Variants in ZYG11B observed in about 807,000 individuals in gnomAD.
ZYG11B encodes zyg-11 family member B, cell cycle regulator, also known as protein zyg-11 homolog B.
ZYG11B carries 36 observed loss-of-function variants against 82.4 expected under a neutral mutation model. The observed-to-expected ratio is 0.44, with a 90% CI of 0.33 to 0.58. The LOEUF (loss-of-function observed/expected upper bound fraction) is 0.58. Among genes scored for constraint, ZYG11B ranks in the 20% least tolerant of loss-of-function variants. ZYG11B has a pLI of 0.02. For synonymous variants in ZYG11B, 303 were observed against 312.8 expected, an observed-to-expected ratio of 0.97 and a Z score of 0.33; for missense variants, 552 against 895.6, an observed-to-expected ratio of 0.62 and a Z score of 4.90.
At chr1:52,783,842 G>A (rs1460468670) in intron 4 of ZYG11B, among the ~76,000 whole-genome samples, 4 of 144,472 alleles carry the variant, frequency 2.8e-5, no homozygotes, top group Non-Finnish European at 4.5e-5. Flanking sequence ...GTGTGTATAT[G>A]TACATACACG....
At chr1:52,804,198 C>T (rs1645121849) in intron 10 of ZYG11B, among the ~76,000 whole-genome samples, 1 of 152,040 alleles carries the variant, frequency 6.6e-6, no homozygotes, top group South Asian at 2.1e-4. Context: ...GTGAGCTGTG[C>T]TCATCCTACT....
intron 2 of ZYG11B, among the ~76,000 whole-genome samples, chr1:52,767,347 C>T (rs1238429836): frequency 8.3e-6 from 1 of 120,840 alleles, no homozygotes. Context: ...TCTTGTTGCC[C>T]AAGCCGGAGT....
chr1:52,794,747 C>T (rs1291183587), intron 6 of ZYG11B, among the ~76,000 whole-genome samples: 5 of 152,136 alleles, frequency 3.3e-5, no homozygotes, highest in African/African-American at 9.7e-5. Context: ...AGATGTATTC[C>T]TTGACCTCAT....
At chr1:52,735,170 A>G (rs1644369239) in intron 1 of ZYG11B, among the ~76,000 whole-genome samples, 1 of 151,290 alleles carries the variant, frequency 6.6e-6, no homozygotes, top group African/African-American at 2.4e-5. Flanking sequence ...AGCTGGGATT[A>G]CAGGCATGTG....
chr1:52,733,677 A>G (rs1363538190), intron 1 of ZYG11B, among the ~76,000 whole-genome samples: 2 of 152,202 alleles, frequency 1.3e-5, no homozygotes, highest in Admixed American at 6.5e-5. Flanking sequence ...CAATCAATCA[A>G]TCAGAGATAT....
intron 2 of ZYG11B, among the ~76,000 whole-genome samples, chr1:52,758,855 C>G (rs1289556169): frequency 1.3e-5 from 2 of 152,140 alleles, no homozygotes; most frequent in East Asian, 3.8e-4. Flanking sequence ...CCTTACACAG[C>G]TGCACAACGA....
At chr1:52,770,714 C>G (rs1428992418) in intron 2 of ZYG11B, among the ~76,000 whole-genome samples, 1 of 152,200 alleles carries the variant, frequency 6.6e-6, no homozygotes, top group African/African-American at 2.4e-5. Context: ...CTCCAGCTAA[C>G]TCCAGGGATG....
At chr1:52,811,724 A>G (rs1032068419) in intron 10 of ZYG11B, among the ~76,000 whole-genome samples, 2 of 149,164 alleles carry the variant, frequency 1.3e-5, no homozygotes, top group Non-Finnish European at 3.0e-5. Flanking sequence ...TTTTTTTTTT[A>G]ATTTCTATAA....
chr1:52,776,608 G>C (rs1006384951), intron 3 of ZYG11B, among the ~76,000 whole-genome samples: 4 of 151,554 alleles, frequency 2.6e-5, no homozygotes, highest in Non-Finnish European at 5.9e-5. Context: ...TTATATTCAA[G>C]GTAACTTGAG....
chr1:52,785,358 G>T (rs982287294), intron 5 of ZYG11B, among the ~76,000 whole-genome samples: 1 of 152,200 alleles, frequency 6.6e-6, no homozygotes, highest in East Asian at 1.9e-4. Context: ...ACTATCAAAT[G>T]CTGGGATACA....
At chr1:52,800,452 G>C (rs1192334589) in intron 8 of ZYG11B, among the ~76,000 whole-genome samples, 1 of 151,902 alleles carries the variant, frequency 6.6e-6, no homozygotes, top group African/African-American at 2.4e-5. Context: ...CAGTAATTTT[G>C]GTATCTTCAA....
At chr1:52,746,694 T>G (rs1002217363) in intron 1 of ZYG11B, among the ~76,000 whole-genome samples, 1 of 121,310 alleles carries the variant, frequency 8.2e-6, no homozygotes, top group African/African-American at 3.3e-5. Flanking sequence ...ACTGTTTTTT[T>G]TTTTTTTTTT....
intron 10 of ZYG11B, 141 bp downstream of exon 10, chr1:52,802,280 C>T: frequency 3.2e-6 from 2 of 623,536 alleles, no homozygotes; most frequent in Non-Finnish European, 2.7e-6. Context: ...AGAACTATTC[C>T]CAATACCTCA....
chr1:52,745,962 C>CTT (rs71938564), intron 1 of ZYG11B, among the ~76,000 whole-genome samples: 3 of 143,342 alleles, frequency 2.1e-5, no homozygotes, highest in Non-Finnish European at 3.1e-5. Flanking sequence ...GAATATTTAA[C>CTT]TTTTTTTTTT....
In ZYG11B at chr1:52,771,002, C is replaced by G; in HGVS notation, c.197-18C>G. 2.5e-6 allele frequency: 4 copies of G among 1,581,052 alleles called. No homozygotes were observed. Among genetic ancestry groups the G allele is most frequent in the Non-Finnish European group, 3.4e-6 (4 of 1,162,500 alleles). On this transcript the variant is annotated intron_variant, in intron 2 of 13. Coordinates refer to ENST00000294353, the MANE Select transcript of ZYG11B (RefSeq NM_024646.3). The surrounding 1 kb of genome is among the most constrained non-coding windows in gnomAD (Gnocchi z 5.4). ...TTAACTGTTTTTTGAATTTAAAACG[C>G]TGCTTGTTTTTCCACAGGTCTATTG...
intron 1 of ZYG11B, among the ~76,000 whole-genome samples, chr1:52,741,543 G>A (rs1343775992): frequency 1.3e-5 from 2 of 152,096 alleles, no homozygotes; most frequent in Non-Finnish European, 2.9e-5. Context: ...AGGCAAATGT[G>A]TATTTTAGTT....
intron 1 of ZYG11B, among the ~76,000 whole-genome samples, chr1:52,736,597 C>T (rs1321824005): frequency 1.3e-5 from 2 of 152,122 alleles, no homozygotes; most frequent in Non-Finnish European, 2.9e-5. Flanking sequence ...GGATTACAGG[C>T]ACCTGCCACC....
At chr1:52,793,378 C>T (rs183168895) in intron 6 of ZYG11B, among the ~76,000 whole-genome samples, 137 of 151,972 alleles carry the variant, frequency 9.0e-4, no homozygotes, top group African/African-American at 3.2e-3. Context: ...GGTGTGGTGG[C>T]GGCTCCTAGC....
chr1:52,748,862 A>G (rs1433886540), intron 1 of ZYG11B, among the ~76,000 whole-genome samples: 1 of 145,614 alleles, frequency 6.9e-6, no homozygotes, highest in Admixed American at 7.1e-5. Flanking sequence ...AGATCACACC[A>G]CTGCACTCCA....
Sources: gnomAD v4.1 joint callset for allele counts (sites outside exome capture counted in the v4.1 genomes callset) on GRCh38, gnomAD v4.1.1 for gene constraint, Gnocchi (gnomAD v3.1) non-coding constraint, MANE v1.5 for transcripts, NCBI Gene and HGNC (gene_info 2026-07-23, HGNC 2026-07-21) for gene names.